OR51E2: variants seen among roughly 807,000 people sequenced by gnomAD.
OR51E2 encodes olfactory receptor 51E2.
In OR51E2, 14 loss-of-function variants were observed where a neutral mutation model predicts 13.7. The observed-to-expected ratio is 1.02, with a 90% CI of 0.68 to 1.60. The LOEUF (loss-of-function observed/expected upper bound fraction) is 1.60. Among genes scored for constraint, OR51E2 ranks in the 40% most tolerant of loss-of-function variants. OR51E2 has a pLI of 0.00. For missense variants in OR51E2, 483 were observed against 413.8 expected (o/e 1.17, Z -1.45); for synonymous variants, 180 against 157.6 (o/e 1.14, Z -1.07).
intron 1 of OR51E2, among the ~76,000 whole-genome samples, chr11:4,693,169 G>T (rs1156593726): frequency 6.6e-6 from 1 of 152,098 alleles, no homozygotes; most frequent in African/African-American, 2.4e-5. Flanking sequence ...GCTTGATTTG[G>T]TCATTCCACA....
Position 4,681,580 on chromosome 11 carries a change from A to G in OR51E2, c.*169T>C. 1 of 647,278 alleles carries G rather than the reference A, an allele frequency of 1.5e-6. No homozygotes were observed. The highest frequency in any genetic ancestry group is 2.6e-6 in the Non-Finnish European group (1 of 377,942). The allele number at this position is 647,278 out of a possible 1,614,324, so 40.1% of individuals were successfully genotyped here. A position where few individuals can be genotyped will look rare whatever the true frequency, so the allele number is the denominator to read the frequency against. On this transcript the variant is annotated 3_prime_UTR_variant, in exon 2 of 2. Transcript: ENST00000396950. ...TTAAATCATGTAATACTTCATTAGTATGTATTATTCCACATAATAGTCCTT... is the reference window on the plus strand; with the variant it reads ...TTAAATCATGTAATACTTCATTAGTGTGTATTATTCCACATAATAGTCCTT...
At chr11:4,693,606 A>G (rs1189088204) in intron 1 of OR51E2, among the ~76,000 whole-genome samples, 1 of 152,172 alleles carries the variant, frequency 6.6e-6, no homozygotes, top group African/African-American at 2.4e-5. Context: ...CTGTAGTTCC[A>G]GCTACTGGGG....
At chr11:4,695,781 T>C (rs10836481) in intron 1 of OR51E2, among the ~76,000 whole-genome samples, 37,537 of 152,080 alleles carry the variant, frequency 0.25, 4,856 homozygotes, top group African/African-American at 0.26. Context: ...GTGAGGTTTT[T>C]TTTTTTCCTG....
chr11:4,697,173 A>G (rs1374678200), intron 1 of OR51E2, among the ~76,000 whole-genome samples: 1 of 152,200 alleles, frequency 6.6e-6, no homozygotes, highest in East Asian at 1.9e-4. Flanking sequence ...TCAGAGCTGA[A>G]TTTTTAACTC....
chr11:4,691,519 A>G (rs1334748132), intron 1 of OR51E2: 1 of 456,870 alleles, frequency 2.2e-6, no homozygotes, highest in Non-Finnish European at 4.4e-6. Flanking sequence ...AGGAAATAGT[A>G]CATTGGTTCG....
intron 1 of OR51E2, among the ~76,000 whole-genome samples, chr11:4,694,603 T>C (rs1342775958): frequency 6.8e-6 from 1 of 147,380 alleles, no homozygotes; most frequent in African/African-American, 2.5e-5. Flanking sequence ...CACACACATA[T>C]GCAGGGAGCT....
intron 1 of OR51E2, chr11:4,690,817 C>T (rs1371363008): frequency 2.3e-6 from 1 of 442,550 alleles, no homozygotes; most frequent in African/African-American, 2.0e-5. Flanking sequence ...TTGGTTTTCA[C>T]ACTGTAGATG....
At chr11:4,692,269 G>A (rs571372477) in intron 1 of OR51E2, 39 of 356,476 alleles carry the variant, frequency 1.1e-4, no homozygotes, top group South Asian at 8.1e-4. Context: ...ACAAATAAAT[G>A]GCTTCAGCAT....
intron 1 of OR51E2, among the ~76,000 whole-genome samples, chr11:4,688,221 G>A (rs1035157613): frequency 6.6e-6 from 1 of 152,146 alleles, no homozygotes; most frequent in South Asian, 2.1e-4. Context: ...AAAGATGAGA[G>A]TGAATTCAGG....
chr11:4,696,600 T>A lies in OR51E2; in HGVS notation c.-51+1053A>T, dbSNP rs190966376. Among the ~76,000 whole-genome samples the A allele has an allele frequency of 2.5e-3, 377 of 152,280 alleles. 2 individuals carry two copies. The highest frequency in any genetic ancestry group is 8.6e-3 in the African/African-American group (359 of 41,566). Reference sequence around the variant, plus strand: ...AAGACAAGAGGGGGACTAATGAATATCCTTAGAAGGAGGCACTAAATTTCC... The same window carrying A: ...AAGACAAGAGGGGGACTAATGAATAACCTTAGAAGGAGGCACTAAATTTCC... On this transcript the variant is annotated intron_variant, in intron 1 of 1. Coordinates refer to ENST00000396950, the MANE Select transcript of OR51E2 (RefSeq NM_030774.4).
intron 1 of OR51E2, among the ~76,000 whole-genome samples, chr11:4,695,627 T>C (rs1176148522): frequency 6.6e-6 from 1 of 152,162 alleles, no homozygotes; most frequent in African/African-American, 2.4e-5. Context: ...ATCCTCCAAA[T>C]GATGTCACCC....
At chr11:4,682,892 G>A (rs1767728309) in intron 1 of OR51E2, 131 bp from the exon 2 acceptor site, 1 of 608,920 alleles carries the variant, frequency 1.6e-6, no homozygotes, top group South Asian at 2.2e-5. Context: ...AGGCGGGACT[G>A]TGACAGATCA....
chr11:4,694,396 CT>C (rs1847627225), intron 1 of OR51E2, among the ~76,000 whole-genome samples: 1 of 151,712 alleles, frequency 6.6e-6, no homozygotes, highest in African/African-American at 2.4e-5. Context: ...GTACCTTATT[CT>C]TTTTCCTAGC....
chr11:4,684,020 G>A (rs1205005080), intron 1 of OR51E2, among the ~76,000 whole-genome samples: 1 of 152,202 alleles, frequency 6.6e-6, no homozygotes, highest in Admixed American at 6.5e-5. Context: ...TACTGCAGCT[G>A]GGAGATGCCC....
chr11:4,688,252 T>C (rs1475861040), intron 1 of OR51E2, among the ~76,000 whole-genome samples: 1 of 152,110 alleles, frequency 6.6e-6, no homozygotes, highest in Non-Finnish European at 1.5e-5. Flanking sequence ...GGAGAGGTGT[T>C]GTTGTTGTTA....
At chr11:4,696,097 T>C (rs866591801) in intron 1 of OR51E2, among the ~76,000 whole-genome samples, 2 of 152,094 alleles carry the variant, frequency 1.3e-5, no homozygotes, top group East Asian at 3.9e-4. Context: ...CAATCAAACC[T>C]GTAATTTAGA....
At chr11:4,697,010 A>G (rs1318095146) in intron 1 of OR51E2, among the ~76,000 whole-genome samples, 2 of 152,198 alleles carry the variant, frequency 1.3e-5, no homozygotes, top group African/African-American at 4.8e-5. Context: ...TGTGAACATT[A>G]TTGTCCTCAG....
chr11:4,689,912 T>C (rs7117648), intron 1 of OR51E2, among the ~76,000 whole-genome samples: 2,175 of 150,840 alleles, frequency 0.014, 55 homozygotes, highest in African/African-American at 0.05. Context: ...TTTAATTAAT[T>C]TTTTTACTTC....
In OR51E2 at chr11:4,691,190, G is replaced by A; in HGVS notation, c.-51+6463C>T. The stretch of plus-strand genomic sequence containing the variant: ...AGGAGTGGTGGAGTACTTGGCTGTG[G>A]CAGTAGGAAAGTCTTATAAGAAGTG... On this transcript the variant is annotated intron_variant, in intron 1 of 1. Coordinates refer to ENST00000396950, the MANE Select transcript of OR51E2 (RefSeq NM_030774.4). 8.8e-6 allele frequency: 4 copies of A among 456,796 alleles called. 1 individual carries two copies. Among genetic ancestry groups the A allele is most frequent in the South Asian group, 3.1e-5 (2 of 64,554 alleles). 28.3% of individuals were successfully genotyped at this position (456,796 alleles called of 1,614,324 possible).
Sources: allele counts gnomAD v4.1 joint callset (sites outside exome capture counted in the v4.1 genomes callset), GRCh38; gene constraint gnomAD v4.1.1; transcripts MANE v1.5; gene names NCBI Gene and HGNC (gene_info 2026-07-23, HGNC 2026-07-21).